GPHN: variants seen among roughly 807,000 people sequenced by gnomAD.
GPHN encodes the protein gephyrin.
GPHN carries 17 observed loss-of-function variants against 95.5 expected under a neutral mutation model. The observed-to-expected ratio is 0.18, with a 90% CI of 0.12 to 0.27. The LOEUF is 0.27. Among genes scored for constraint, GPHN ranks in the 10% least tolerant of loss-of-function variants. The pLI, the probability that GPHN is intolerant of heterozygous loss-of-function variation, is 1.00. For missense variants in GPHN, 660 were observed against 978.1 expected (o/e 0.67, Z 4.34); for synonymous variants, 320 against 322.5 (o/e 0.99, Z 0.08).
chr14:66,690,106 T>C, intron 2 of GPHN, among the ~76,000 whole-genome samples: 1 of 152,076 alleles, frequency 6.6e-6, no homozygotes, highest in Non-Finnish European at 1.5e-5. Context: ...GTTCTTGATT[T>C]TCTTGTTCCT....
At chr14:67,267,204 G>C in the GPHN span, among the ~76,000 whole-genome samples, 86 of 152,238 alleles carry the variant, frequency 5.6e-4, 3 homozygotes, top group South Asian at 0.016. Flanking sequence ...TTGAGGTTTT[G>C]TTTTCTTTTA....
chr14:67,591,797 A>G, the GPHN span: 1 of 149,456 alleles, frequency 6.7e-6, no homozygotes, highest in Non-Finnish European at 1.5e-5. Flanking sequence ...CCTCCCCCAC[A>G]GTGTTGGGAT....
chr14:67,648,381 C>T, the GPHN span: 1 of 464,766 alleles, frequency 2.2e-6, no homozygotes, highest in Non-Finnish European at 3.7e-6. Flanking sequence ...ATGGCTCTTA[C>T]CAAATTACAC....
intron 1 of GPHN, among the ~76,000 whole-genome samples, chr14:66,613,624 TTTAG>T (rs1382218254): frequency 6.6e-6 from 1 of 152,040 alleles, no homozygotes; most frequent in African/African-American, 2.4e-5. Context: ...ACTAACAAAT[TTTAG>T]TTAGGAGGTG....
chr14:67,008,620 C>G (rs1472786446), intron 9 of GPHN, among the ~76,000 whole-genome samples: 1 of 151,906 alleles, frequency 6.6e-6, no homozygotes, highest in Non-Finnish European at 1.5e-5. Flanking sequence ...TCTTGGCTCA[C>G]TGCAACCTCC....
the GPHN span, among the ~76,000 whole-genome samples, chr14:67,611,500 C>T: frequency 2.7e-4 from 41 of 152,062 alleles, no homozygotes; most frequent in African/African-American, 9.4e-4. Flanking sequence ...CTCCTGACCT[C>T]AGGTGATCCA....
chr14:67,641,290 T>TATA, the GPHN span, among the ~76,000 whole-genome samples: 1 of 152,204 alleles, frequency 6.6e-6, no homozygotes, highest in African/African-American at 2.4e-5. Context: ...TCTCAATATA[T>TATA]ATATAATGCA....
intron 5 of GPHN, among the ~76,000 whole-genome samples, chr14:66,906,161 A>T (rs890637663): frequency 5.9e-5 from 9 of 152,112 alleles, no homozygotes; most frequent in African/African-American, 2.2e-4. Flanking sequence ...TTTCGTGCCC[A>T]GGGAACCTGT....
intron 10 of GPHN, among the ~76,000 whole-genome samples, chr14:67,027,609 A>C (rs1297083791): frequency 2.6e-5 from 4 of 152,196 alleles, no homozygotes; most frequent in African/African-American, 7.2e-5. Context: ...GATTACAGGC[A>C]TGAGCCACGG....
chr14:66,510,370 T>A (rs2057995092), intron 1 of GPHN, among the ~76,000 whole-genome samples: 1 of 152,254 alleles, frequency 6.6e-6, no homozygotes, highest in South Asian at 2.1e-4. Context: ...ATGAACATTT[T>A]CTACTTAAGC....
At chr14:67,193,344 ATC>A in the GPHN span, among the ~76,000 whole-genome samples, 1,936 of 138,538 alleles carry the variant, frequency 0.014, 19 homozygotes, top group Non-Finnish European at 0.022. Flanking sequence ...ATAGATATCT[ATC>A]TATATAGAGA....
chr14:67,072,506 C>T (rs1374451701), intron 11 of GPHN, among the ~76,000 whole-genome samples: 3 of 151,934 alleles, frequency 2.0e-5, no homozygotes, highest in Admixed American at 2.0e-4. Flanking sequence ...AGACCATTAG[C>T]TCATCCCAAG....
the GPHN span, among the ~76,000 whole-genome samples, chr14:67,602,276 C>T: frequency 6.6e-6 from 1 of 152,158 alleles, no homozygotes; most frequent in Admixed American, 6.5e-5. Flanking sequence ...ACCGTCAGAT[C>T]TCGTGAGAGA....
rs140685358 is a variant in GPHN at position 67,094,974 on chromosome 14, A to G, written c.1238-5882A>G. Among the ~76,000 whole-genome samples the G allele has an allele frequency of 7.6e-3, 1,157 of 152,328 alleles. 5 individuals carry two copies. The highest frequency in any genetic ancestry group is 0.026 in the African/African-American group (1,096 of 41,584). On this transcript the variant is annotated intron_variant, in intron 12 of 22. Transcript: ENST00000478722. ...AGGCTATACCATGTAGCCTAGTTGT[A>G]TAATAGGCTATACCATCTAGGTTTG...
chr14:67,109,350 C>A (rs879565316), intron 13 of GPHN, among the ~76,000 whole-genome samples: 1 of 152,108 alleles, frequency 6.6e-6, no homozygotes, highest in African/African-American at 2.4e-5. Context: ...TAAATCATTG[C>A]CCCTGACAAG....
At chr14:66,698,544 C>T (rs1013171071) in intron 2 of GPHN, among the ~76,000 whole-genome samples, 6 of 152,172 alleles carry the variant, frequency 3.9e-5, no homozygotes, top group Non-Finnish European at 7.4e-5. Context: ...CTCAATAAAA[C>T]TGCTATTTTA....
chr14:67,311,154 T>A, the GPHN span, among the ~76,000 whole-genome samples: 1 of 151,850 alleles, frequency 6.6e-6, no homozygotes, highest in Non-Finnish European at 1.5e-5. Flanking sequence ...CTACTAAACA[T>A]ACAAAAATTA....
the GPHN span, chr14:67,584,114 T>C: frequency 2.5e-6 from 4 of 1,613,526 alleles, no homozygotes; most frequent in Non-Finnish European, 3.4e-6. Flanking sequence ...GCTAAACTTT[T>C]TGCTGCTCAG....
At chr14:67,030,283 C>A (rs547725334) in intron 10 of GPHN, among the ~76,000 whole-genome samples, 1 of 152,252 alleles carries the variant, frequency 6.6e-6, no homozygotes, top group African/African-American at 2.4e-5. Flanking sequence ...GGAGTAACAT[C>A]ACTAGCCACT....
Sources: gnomAD v4.1 joint callset for allele counts (sites outside exome capture counted in the v4.1 genomes callset) on GRCh38, gnomAD v4.1.1 for gene constraint, MANE v1.5 for transcripts, NCBI Gene and HGNC (gene_info 2026-07-23, HGNC 2026-07-21) for gene names.